BARHL2: variants seen among roughly 807,000 people sequenced by gnomAD.
BARHL2 encodes the protein barH-like 2 homeobox protein.
In BARHL2, 10 loss-of-function variants were observed where a neutral mutation model predicts 27.1. That is an observed-to-expected ratio of 0.37 (90% confidence interval 0.23 to 0.63). The LOEUF (loss-of-function observed/expected upper bound fraction) is 0.63, where lower values mean the gene tolerates loss of function less well. BARHL2 is among the 20% of genes least tolerant of loss of function. The probability of loss-of-function intolerance (pLI) is 0.65; values close to 1 mark genes in which losing one functional copy is unlikely to be tolerated. For synonymous variants in BARHL2, 248 were observed against 224.7 expected (o/e 1.10, Z -0.93); for missense variants, 483 against 533.5 (o/e 0.91, Z 0.93).
chr1:90,712,931 T>C (rs1164026757), intron 2 of BARHL2, among the ~76,000 whole-genome samples: 3 of 152,170 alleles, frequency 2.0e-5, no homozygotes, highest in East Asian at 1.9e-4. Flanking sequence ...CCTTGTAGTT[T>C]GGCTACTTCT....
rs1240693728 is a variant in BARHL2, at chr1:90,716,871, G to A, written c.325C>T (p.Pro109Ser). The change falls in exon 1 of 3, where the codon CCC (proline) becomes TCC (serine). Residue 109 changes from proline (P) to serine (S), a missense_variant. Physicochemically the swap from Pro to Ser is moderately conservative, Grantham distance 74. Coordinates refer to ENST00000370445, the MANE Select transcript of BARHL2 (RefSeq NM_020063.2). ...GGCGGCAGCGGCTGCTGCTGTTGGG[G>A]CAAAGGCTGCAAACTTTGCGTCGGG... is the stretch of plus-strand genomic sequence containing the variant. The part of the protein sequence containing the change: ...AAPTQSLQPL[P>S]QQQQPLPPQQ... 1.3e-6 allele frequency: 2 copies of A among 1,572,380 alleles called. No individual in the cohort carries two copies. Among genetic ancestry groups the A allele is most frequent in the South Asian group, 1.1e-5 (1 of 87,148 alleles).
chr1:90,716,506 GA>G, intron 1 of BARHL2, 64 bp downstream of exon 1: 1 of 1,529,820 alleles, frequency 6.5e-7, no homozygotes, highest in East Asian at 2.2e-5. Flanking sequence ...GCTGAAGGCT[GA>G]AGGGGAGATT....
rs145559721 is a variant in BARHL2 at position 90,717,034 on chromosome 1, C to A, written c.162G>T (p.Glu54Asp). Residue 54 changes from glutamate to aspartate, a missense_variant, in exon 1 of 3, where the codon GAG becomes GAT. Physicochemically the swap from Glu to Asp is conservative, Grantham distance 45 (BLOSUM62 2). Around this residue, in one of 3 missense-constraint regions of BARHL2, gnomAD observed 304 missense variants for 284.9 expected, o/e 1.07. Transcript: ENST00000370445. ...AAGGCGCCGTCCCTACGGTATCAAT[C>A]TCCGAACAGGGAGATGGGGTGGCCT... ...RSQATPSPCS[E>D]IDTVGTAPSS... is the part of the protein sequence containing the mutation. 8.2e-5 allele frequency: 133 copies of A among 1,613,848 alleles called. No individual in the cohort carries two copies. Among genetic ancestry groups the A allele is most frequent in the Admixed American group, 5.2e-4 (31 of 60,000 alleles).
chr1:90,712,648 C>A, intron 2 of BARHL2, 24 bp from the exon 3 acceptor site: 1 of 1,576,174 alleles, frequency 6.3e-7, no homozygotes, highest in Middle Eastern at 1.9e-4. Context: ...GGTGTGCAGG[C>A]ACCCAGCAGC....
At position 90,712,175 on chromosome 1, in the gene BARHL2, C is replaced by A; in HGVS notation, c.*137G>T. Reference sequence around the variant, plus strand: ...GGGTCCCCTGCCCACTGGTAAGCATCTTCCTCTCTTACTCCTCTGCCTTCC... The same window carrying A: ...GGGTCCCCTGCCCACTGGTAAGCATATTCCTCTCTTACTCCTCTGCCTTCC... On this transcript the variant is annotated 3_prime_UTR_variant, in exon 3 of 3. Coordinates refer to ENST00000370445, the MANE Select transcript of BARHL2 (RefSeq NM_020063.2). 1.0e-6 allele frequency: 1 copy of A among 975,286 alleles called. No homozygotes were observed. Among genetic ancestry groups the A allele is most frequent in the East Asian group, 2.8e-5 (1 of 36,158 alleles). The allele number at this position is 975,286 out of a possible 1,614,324, so 60.4% of individuals were successfully genotyped here. A position where few individuals can be genotyped will look rare whatever the true frequency, so the allele number is the denominator to read the frequency against.
Position 90,712,000 on chromosome 1 carries a change from T to G in BARHL2, c.*312A>C. ...CCCTAAAGTCATTTTTGAAAAAGAA[T>G]TTGAGGTTTTGTTTTTGTTGATGTT... is the stretch of plus-strand genomic sequence containing the variant. On this transcript the variant is annotated 3_prime_UTR_variant, in exon 3 of 3. Transcript: ENST00000370445. 5.3e-6 allele frequency: 1 copy of G among 189,422 alleles called. No homozygotes were observed. The highest frequency in any genetic ancestry group is 1.1e-5 in the Non-Finnish European group (1 of 94,476). The allele number at this position is 189,422 out of a possible 1,614,324, so 11.7% of individuals were successfully genotyped here.
At chr1:90,716,463 G>A in intron 1 of BARHL2, 108 bp downstream of exon 1, 1 of 1,225,536 alleles carries the variant, frequency 8.2e-7, no homozygotes. Context: ...AGTCGCCCGA[G>A]AAGCTCCTGG....
chr1:90,713,805 C>T (rs559330361), intron 2 of BARHL2, among the ~76,000 whole-genome samples: 1 of 152,336 alleles, frequency 6.6e-6, no homozygotes, highest in South Asian at 2.1e-4. Context: ...TTCTTAATTT[C>T]CCTTCTAGAG....
chr1:90,712,290 C>T lies in BARHL2; in HGVS notation c.*22G>A, dbSNP rs1217743522. ...GGGCAGGGATATGGGGAAGGGATTG[C>T]AGTGCCTTCGCTGCAATGTTTTCAC... On this transcript the variant is annotated 3_prime_UTR_variant, in exon 3 of 3. Coordinates refer to ENST00000370445, the MANE Select transcript of BARHL2 (RefSeq NM_020063.2). 2.8e-6 allele frequency: 4 copies of T among 1,443,000 alleles called. No homozygotes were observed. The highest frequency in any genetic ancestry group is 2.7e-5 in the Admixed American group (1 of 37,582). 89.4% of individuals were successfully genotyped at this position (1,443,000 alleles called of 1,614,324 possible).
rs769870418 is a variant in BARHL2, at chr1:90,712,448, C to T, written c.1028G>A (p.Arg343Gln). The T allele has an allele frequency of 1.2e-4, 197 of 1,612,676 alleles. 1 individual carries two copies. Among genetic ancestry groups the T allele is most frequent in the Non-Finnish European group, 1.5e-4 (179 of 1,179,486 alleles). ...CTGGGGATGGGGTGCTGGAGGAGTC[C>T]GGTACATGCTGCTGTACATGGCAGC... ...AAAAMYSSMY[R>Q]TPPAPHPQLQ... Residue 343 changes from arginine (R) to glutamine (Q), a missense_variant, in exon 3 of 3, where the codon CGG becomes CAG. Physicochemically the swap from Arg to Gln is conservative, Grantham distance 43. Around this residue, in one of 3 missense-constraint regions of BARHL2, gnomAD observed 130 missense variants for 138.0 expected, o/e 0.94. Transcript: ENST00000370445.
rs780839989 is a variant in BARHL2 at position 90,712,487 on chromosome 1, G to A, written c.989C>T (p.Ala330Val). ...SLLGSMDSTT[A>V]AAAAAAMYSS... ...GTACATGGCAGCGGCAGCCGCCGCC[G>A]CCGTAGTGCTGTCCATGCTGCCCAG... is the stretch of plus-strand genomic sequence containing the variant. The change falls in exon 3 of 3, where the codon GCG (alanine) becomes GTG (valine). Residue 330 changes from alanine (A) to valine (V), a missense_variant. This residue lies in a region of BARHL2 where 130 missense variants were observed against 138.0 expected (regional missense o/e 0.94). Transcript: ENST00000370445. The A allele has an allele frequency of 1.1e-5, 17 of 1,613,468 alleles. No homozygotes were observed. Among genetic ancestry groups the A allele is most frequent in the South Asian group, 7.7e-5 (7 of 91,048 alleles).
At chr1:90,716,069 C>T (rs1379016114) in intron 1 of BARHL2, among the ~76,000 whole-genome samples, 2 of 146,480 alleles carry the variant, frequency 1.4e-5, no homozygotes, top group Non-Finnish European at 3.0e-5. Context: ...AGAAATTTTT[C>T]CTCCATTAAA....
At position 90,712,146 on chromosome 1, in the gene BARHL2, T is replaced by G. The variant is rs1185923508; in HGVS notation, c.*166A>C. ...TGGAGAGCAGAGGGCTGGCTCCTCT[T>G]TGGGGGTCCCCTGCCCACTGGTAAG... On this transcript the variant is annotated 3_prime_UTR_variant, in exon 3 of 3. Coordinates refer to ENST00000370445, the MANE Select transcript of BARHL2 (RefSeq NM_020063.2). The G allele has an allele frequency of 3.9e-5, 25 of 645,072 alleles. No homozygotes were observed. The highest frequency in any genetic ancestry group is 1.1e-4 in the African/African-American group (6 of 54,784). The allele number at this position is 645,072 out of a possible 1,614,324, so 40.0% of individuals were successfully genotyped here.
chr1:90,716,445 C>T, intron 1 of BARHL2, 126 bp downstream of exon 1: 5 of 1,006,574 alleles, frequency 5.0e-6, no homozygotes, highest in Non-Finnish European at 6.1e-6. Context: ...GTCTTTTGAC[C>T]GTCGCCCAGT....
chr1:90,712,327 G>GGT lies in BARHL2; in HGVS notation c.1147_1148dup (p.Pro386ThrfsTer84). 1 of 1,473,252 alleles carries GGT rather than the reference G, an allele frequency of 6.8e-7. No individual in the cohort carries two copies. The allele number at this position is 1,473,252 out of a possible 1,614,324, so 91.3% of individuals were successfully genotyped here. On this transcript the variant is annotated frameshift_variant, in exon 3 of 3. Coordinates refer to ENST00000370445, the MANE Select transcript of BARHL2 (RefSeq NM_020063.2). LOFTEE classifies it high-confidence loss of function. ...TGCAATGTTTTCACCGGGGGTGTGG[G>GGT]GTGCCTGGGATGGGGCTGGACAATG...
At chr1:90,715,076 TC>T (rs1658116532) in intron 1 of BARHL2, among the ~76,000 whole-genome samples, 1 of 152,114 alleles carries the variant, frequency 6.6e-6, no homozygotes, top group Non-Finnish European at 1.5e-5. Flanking sequence ...TGTTATTGTT[TC>T]CTTGACTGAG....
In BARHL2 at chr1:90,716,915, G is replaced by GGCT. The variant is rs564798803; in HGVS notation, c.278_280dup (p.Gln93dup). On this transcript the variant is annotated inframe_insertion, in exon 1 of 3. Transcript: ENST00000370445. ...CGTCGGGGCCGCGGCCGGCGGCGGC[G>GGCT]GCTGCTGGCTGTGGTGGAGGTGGTG... is the stretch of plus-strand genomic sequence containing the variant. The GGCT allele has an allele frequency of 3.4e-4, 541 of 1,605,516 alleles. 3 individuals are homozygous for GGCT. The African/African-American group carries it at 6.3e-3, about 19-fold the overall frequency.
Position 90,716,536 on chromosome 1 carries a change from C to T in BARHL2, c.625+35G>A, listed in dbSNP as rs774171510. 4 of 1,606,032 alleles carry T rather than the reference C, an allele frequency of 2.5e-6. No individual in the cohort carries two copies. The African/African-American group carries it at 4.0e-5, about 16-fold the overall frequency. On this transcript the variant is annotated intron_variant, in intron 1 of 2. Coordinates refer to ENST00000370445, the MANE Select transcript of BARHL2 (RefSeq NM_020063.2). ...GGAGATTGGGAACCAGGAGGACAAGCTAGACGGCCGAGAGCGCCGGGTGGC... is the reference window on the plus strand; with the variant it reads ...GGAGATTGGGAACCAGGAGGACAAGTTAGACGGCCGAGAGCGCCGGGTGGC...
At position 90,711,701 on chromosome 1, in the gene BARHL2, T is replaced by C. The variant is rs1658035084; in HGVS notation, c.*611A>G. The C allele has an allele frequency of 6.6e-6, 1 of 152,154 alleles. No individual in the cohort carries two copies. The highest frequency in any genetic ancestry group is 1.5e-5 in the Non-Finnish European group (1 of 68,026). The allele number at this position is 152,154 out of a possible 1,614,324, so 9.4% of individuals were successfully genotyped here. A position where few individuals can be genotyped will look rare whatever the true frequency, so the allele number is the denominator to read the frequency against. The stretch of plus-strand genomic sequence containing the variant: ...CTTTTTGGACAACATATAATAAATA[T>C]GATATATCACTTATCACTCAGTCTT... On this transcript the variant is annotated 3_prime_UTR_variant, in exon 3 of 3. Coordinates refer to ENST00000370445, the MANE Select transcript of BARHL2 (RefSeq NM_020063.2).
Sources: allele counts gnomAD v4.1 joint callset (sites outside exome capture counted in the v4.1 genomes callset), GRCh38; gene constraint gnomAD v4.1.1; regional missense constraint gnomAD v4.1.1; transcripts MANE v1.5; gene names NCBI Gene and HGNC (gene_info 2026-07-23, HGNC 2026-07-21).